The following STARD9 variants were observed in gnomAD, a reference collection of about 807,000 sequenced individuals.
The protein encoded by STARD9 is StAR related lipid transfer domain containing 9, also known as stAR-related lipid transfer protein 9.
STARD9 carries 346 observed loss-of-function variants against 399.8 expected under a neutral mutation model. The ratio of observed to expected loss-of-function variants is 0.87; its 90% CI spans 0.79 to 0.95. The LOEUF is 0.95. Among genes scored for constraint, STARD9 ranks in the 40% least tolerant of loss-of-function variants. The pLI is 0.00. For missense variants in STARD9, 5,832 were observed against 5,667.5 expected, an observed-to-expected ratio of 1.03 and a Z score of -0.93; for synonymous variants, 2,203 against 2,143.5, an observed-to-expected ratio of 1.03 and a Z score of -0.77.
chr15:42,577,178 G>C (rs911798435), intron 1 of STARD9, among the ~76,000 whole-genome samples: 1 of 151,534 alleles, frequency 6.6e-6, no homozygotes, highest in Non-Finnish European at 1.5e-5. Flanking sequence ...TTTTGAGATG[G>C]AGTCTCGCTC....
At chr15:42,694,763 G>A in intron 24 of STARD9, 38 bp downstream of exon 24, 8 of 1,515,422 alleles carry the variant, frequency 5.3e-6, no homozygotes, top group Non-Finnish European at 7.1e-6. Flanking sequence ...AGCAGGCTCT[G>A]TTGGGGGAGG....
Position 42,686,564 on chromosome 15 carries a change from C to T in STARD9, c.4986C>T (p.Ala1662=), listed in dbSNP as rs149620336. The T allele has an allele frequency of 1.3e-6, 2 of 1,537,470 alleles. No individual in the cohort carries two copies. The highest frequency in any genetic ancestry group is 2.7e-5 in the African/African-American group (2 of 73,160). The change falls in exon 23 of 33, where the codon GCC becomes GCT. Residue 1662 remains alanine, a synonymous_variant. Coordinates refer to ENST00000290607, the MANE Select transcript of STARD9 (RefSeq NM_020759.3). The part of the protein sequence containing the change: ...KNACHSNVTT[A]TKADHWSQGW... Reference sequence around the variant, plus strand: ...CTTGTCACAGTAATGTCACTACAGCCACCAAAGCAGACCATTGGTCCCAAG... The same window carrying T: ...CTTGTCACAGTAATGTCACTACAGCTACCAAAGCAGACCATTGGTCCCAAG...
chr15:42,703,303 G>A (rs1049583852), intron 26 of STARD9, among the ~76,000 whole-genome samples: 8 of 150,914 alleles, frequency 5.3e-5, no homozygotes, highest in Admixed American at 2.0e-4. Context: ...ACTCCCCTCC[G>A]TTCTCATTCT....
intron 3 of STARD9, among the ~76,000 whole-genome samples, chr15:42,595,237 A>C (rs537666736): frequency 6.6e-6 from 1 of 152,252 alleles, no homozygotes; most frequent in African/African-American, 2.4e-5. Flanking sequence ...AGGGGTGGGC[A>C]CTGTTAGGAT....
Position 42,575,752 on chromosome 15 carries a change from C to G in STARD9, c.37C>G (p.Leu13Val). The change falls in exon 1 of 33, where the codon CTC (leucine) becomes GTC (valine). Residue 13 changes from leucine to valine, a missense_variant. By Grantham distance (32) the Leu-to-Val change is conservative. Around this residue, in one of 2 missense-constraint regions of STARD9, gnomAD observed 5,828 missense variants for 5,651.1 expected, o/e 1.03. Transcript: ENST00000290607. The stretch of plus-strand genomic sequence containing the variant: ...GCAGGTCGCCGTGCGGGTCCGGCCG[C>G]TCAGCAAGAGGTGAGTCTCCGCGGG... ...NVQVAVRVRP[L>V]SKRETKEGGR... The G allele has an allele frequency of 1.3e-6, 2 of 1,536,884 alleles. No individual in the cohort carries two copies. Among genetic ancestry groups the G allele is most frequent in the Non-Finnish European group, 1.7e-6 (2 of 1,146,816 alleles).
chr15:42,652,463 A>C, intron 8 of STARD9, 57 bp from the exon 9 acceptor site: 1 of 1,409,188 alleles, frequency 7.1e-7, no homozygotes, highest in South Asian at 1.2e-5. Flanking sequence ...ATGGATCCTT[A>C]AGAATCCACC....
chr15:42,669,047 G>A, intron 15 of STARD9, 111 bp from the exon 16 acceptor site: 1 of 913,714 alleles, frequency 1.1e-6, no homozygotes, highest in Non-Finnish European at 1.6e-6. Context: ...GTATCTGGGA[G>A]GATCATAAGA....
intron 3 of STARD9, among the ~76,000 whole-genome samples, chr15:42,625,321 C>G (rs772895407): frequency 1.3e-5 from 2 of 151,084 alleles, no homozygotes; most frequent in African/African-American, 2.4e-5. Flanking sequence ...GCCACCACCC[C>G]CAGCCTTAAA....
At chr15:42,582,869 G>T (rs998484980) in intron 1 of STARD9, among the ~76,000 whole-genome samples, 42 of 152,244 alleles carry the variant, frequency 2.8e-4, no homozygotes, top group African/African-American at 1.0e-3. Flanking sequence ...ACTCTCTAGG[G>T]TTTCTAAGCC....
Position 42,661,193 on chromosome 15 carries a change from T to C in STARD9, c.738T>C (p.Ala246=). Residue 246 remains alanine (A), a synonymous_variant, in exon 10 of 33, where the codon GCT becomes GCC. Coordinates refer to ENST00000290607, the MANE Select transcript of STARD9 (RefSeq NM_020759.3). The stretch of plus-strand genomic sequence containing the variant: ...AGAACAACCTCCCTTCTGAAATGGC[T>C]AGCAAGATCAACCTTGTGGACCTAG... The part of the protein sequence containing the change: ...ILENNLPSEM[A]SKINLVDLAG... The C allele has an allele frequency of 6.5e-7, 1 of 1,536,958 alleles. No homozygotes were observed. The highest frequency in any genetic ancestry group is 2.4e-5 in the East Asian group (1 of 40,904).
intron 7 of STARD9, among the ~76,000 whole-genome samples, chr15:42,641,730 G>A (rs1250116906): frequency 1.3e-5 from 2 of 151,654 alleles, no homozygotes; most frequent in African/African-American, 2.4e-5. Flanking sequence ...TCAGCCTCTC[G>A]AGTAGCTGGG....
chr15:42,608,376 G>T (rs1022089884), intron 3 of STARD9, among the ~76,000 whole-genome samples: 11 of 152,156 alleles, frequency 7.2e-5, no homozygotes, highest in African/African-American at 2.7e-4. Context: ...ACCCTGGATT[G>T]CCAAGAATGA....
chr15:42,706,028 C>G (rs1201581693), intron 26 of STARD9, among the ~76,000 whole-genome samples: 1 of 152,186 alleles, frequency 6.6e-6, no homozygotes, highest in Non-Finnish European at 1.5e-5. Context: ...GCTGGGATTA[C>G]AGGCGTGAGC....
At chr15:42,678,269 C>T (rs1057039067) in intron 20 of STARD9, among the ~76,000 whole-genome samples, 14 of 152,178 alleles carry the variant, frequency 9.2e-5, no homozygotes, top group Admixed American at 2.0e-4. Context: ...TGTGTGTCTA[C>T]GAGTCTCTCC....
chr15:42,687,436 A>C lies in STARD9; in HGVS notation c.5858A>C (p.Asp1953Ala). ...SAVSLKSRSVDRRVSSPVMVA... is the reference protein window; with the variant it reads ...SAVSLKSRSVARRVSSPVMVA... ...GTTTCTTTGAAATCCAGATCAGTAG[A>C]TCGTAGAGTAAGCAGCCCAGTGATG... The change falls in exon 23 of 33, where the codon GAT becomes GCT. Residue 1953 changes from aspartate (D) to alanine (A), a missense_variant. Physicochemically the swap from Asp to Ala is moderately radical, Grantham distance 126 (BLOSUM62 -2). Transcript: ENST00000290607. 1.3e-6 allele frequency: 2 copies of C among 1,537,156 alleles called. No homozygotes were observed. Among genetic ancestry groups the C allele is most frequent in the Non-Finnish European group, 1.7e-6 (2 of 1,146,904 alleles).
intron 3 of STARD9, among the ~76,000 whole-genome samples, chr15:42,607,651 T>C (rs1323886921): frequency 4.9e-5 from 7 of 143,768 alleles, no homozygotes; most frequent in South Asian, 2.2e-4. Flanking sequence ...CACACACTTA[T>C]ACACACACAC....
chr15:42,693,357 C>G lies in STARD9; in HGVS notation c.11779C>G (p.Pro3927Ala). 1 of 1,537,184 alleles carries G rather than the reference C, an allele frequency of 6.5e-7. No individual in the cohort carries two copies. The highest frequency in any genetic ancestry group is 8.7e-7 in the Non-Finnish European group (1 of 1,146,890). ...GACCCTCTCAGCCCCTTCAACTCAC[C>G]CTGTTGAAGGCCACCAGAAGCTTGA... ...SLTLSAPSTHPVEGHQKLDSS... is the reference protein window; with the variant it reads ...SLTLSAPSTHAVEGHQKLDSS... Residue 3927 changes from proline to alanine, a missense_variant, in exon 23 of 33, where the codon CCT becomes GCT. By Grantham distance (27) the Pro-to-Ala change is conservative. Transcript: ENST00000290607.
intron 3 of STARD9, among the ~76,000 whole-genome samples, chr15:42,607,102 G>T (rs778243223): frequency 6.9e-6 from 1 of 144,788 alleles, no homozygotes; most frequent in East Asian, 2.1e-4. Context: ...CATGTGCCAC[G>T]TCCTCCACAT....
intron 22 of STARD9, among the ~76,000 whole-genome samples, chr15:42,683,342 T>TTA (rs1173709937): frequency 6.6e-6 from 1 of 152,256 alleles, no homozygotes; most frequent in African/African-American, 2.4e-5. Context: ...ATCACTGATA[T>TTA]TATTCAGCAA....
Sources: gnomAD v4.1 joint callset for allele counts (sites outside exome capture counted in the v4.1 genomes callset) on GRCh38, gnomAD v4.1.1 for gene constraint, gnomAD v4.1.1 regional missense constraint, MANE v1.5 for transcripts, NCBI Gene and HGNC (gene_info 2026-07-23, HGNC 2026-07-21) for gene names.